ACVR2A: variants seen among roughly 807,000 people sequenced by gnomAD.
ACVR2A encodes activin receptor type-2A.
Under a neutral mutation model 61.4 loss-of-function variants are expected in ACVR2A, and 7 were observed. The observed-to-expected ratio is 0.11, with a 90% CI of 0.06 to 0.21. ACVR2A has a LOEUF of 0.21. Ranked by LOEUF, ACVR2A falls within the 10% of genes least tolerant of loss-of-function variation. The pLI is 1.00. For synonymous variants in ACVR2A, 193 were observed against 208.3 expected, an observed-to-expected ratio of 0.93 and a Z score of 0.63; for missense variants, 322 against 621.7, an observed-to-expected ratio of 0.52 and a Z score of 5.13.
intron 9 of ACVR2A, among the ~76,000 whole-genome samples, chr2:147,924,821 T>A (rs1687464988): frequency 6.6e-6 from 1 of 151,742 alleles, no homozygotes; most frequent in Admixed American, 6.6e-5. Flanking sequence ...AGCCTGAGAG[T>A]CTACATTTCT....
At position 147,913,268 on chromosome 2, in the gene ACVR2A, TTAAC is replaced by T. The variant is rs146872294; in HGVS notation, c.529-1920_529-1917del. ...GAACAGAGAATGGGTAATGTGTAGA[TTAAC>T]TATAGAGACATTACCAGTGTACATA... On this transcript the variant is annotated intron_variant, in intron 4 of 10. Coordinates refer to ENST00000241416, the MANE Select transcript of ACVR2A (RefSeq NM_001616.5). Among the ~76,000 whole-genome samples the T allele has an allele frequency of 6.7e-3, 1,025 of 152,034 alleles. 9 individuals carry two copies. The highest frequency in any genetic ancestry group is 0.023 in the African/African-American group (961 of 41,534).
chr2:147,845,275 G>A (rs1477947053), intron 1 of ACVR2A, 68 bp downstream of exon 1: 1 of 1,509,862 alleles, frequency 6.6e-7, no homozygotes, highest in East Asian at 2.3e-5. Context: ...TGGGGGCCGC[G>A]GCTGGTGTTG....
chr2:147,849,162 A>C (rs1331679988), intron 1 of ACVR2A, among the ~76,000 whole-genome samples: 1 of 152,190 alleles, frequency 6.6e-6, no homozygotes, highest in African/African-American at 2.4e-5. Context: ...TAGAGTGCTC[A>C]TGAAGACTGC....
Position 147,923,181 on chromosome 2 carries a change from C to G in ACVR2A, c.1216+70C>G, listed in dbSNP as rs1438343817. The G allele has an allele frequency of 2.0e-5, 30 of 1,466,004 alleles. No individual in the cohort carries two copies. The East Asian group carries it at 6.4e-4, about 31-fold the overall frequency. 90.8% of individuals were successfully genotyped at this position (1,466,004 alleles called of 1,614,324 possible). ...CACATATATGAAAAGGGATGATACA[C>G]TCCAAGGTAATATTTTAAAGTACAG... On this transcript the variant is annotated intron_variant, in intron 9 of 10. Coordinates refer to ENST00000241416, the MANE Select transcript of ACVR2A (RefSeq NM_001616.5).
At chr2:147,867,529 C>T (rs1271158528) in intron 1 of ACVR2A, among the ~76,000 whole-genome samples, 2 of 152,022 alleles carry the variant, frequency 1.3e-5, no homozygotes, top group Non-Finnish European at 2.9e-5. Flanking sequence ...GTGTTAGTTC[C>T]ATCCTTACCA....
intron 1 of ACVR2A, among the ~76,000 whole-genome samples, chr2:147,860,807 T>C (rs566483024): frequency 1.3e-5 from 2 of 152,320 alleles, no homozygotes; most frequent in South Asian, 4.1e-4. Context: ...TACTGTTTCA[T>C]AGGGAATGAG....
chr2:147,918,299 A>G (rs1313118780), intron 6 of ACVR2A, 148 bp from the exon 7 acceptor site: 1 of 582,114 alleles, frequency 1.7e-6, no homozygotes, highest in African/African-American at 1.9e-5. Context: ...AATTTGAACC[A>G]TTTGAACCAT....
At chr2:147,922,792 C>CAT (rs1687415092) in intron 8 of ACVR2A, among the ~76,000 whole-genome samples, 181 bp from the exon 9 acceptor site, 1 of 152,094 alleles carries the variant, frequency 6.6e-6, no homozygotes. Context: ...TCTGTACCAG[C>CAT]ATAATGTCTG....
rs191466226 is a variant in ACVR2A, at chr2:147,863,578, T to G, written c.55+18371T>G. On this transcript the variant is annotated intron_variant, in intron 1 of 10. Coordinates refer to ENST00000241416, the MANE Select transcript of ACVR2A (RefSeq NM_001616.5). The stretch of plus-strand genomic sequence containing the variant: ...ATACTATTTTGTATGTTTTATTGTA[T>G]TCTTACAATAAGGAAGCTAAAGGAA... Among the ~76,000 whole-genome samples, 294 of 152,310 alleles carry G rather than the reference T, an allele frequency of 1.9e-3. 1 individual carries two copies. Among genetic ancestry groups the G allele is most frequent in the African/African-American group, 6.9e-3 (287 of 41,568 alleles).
intron 8 of ACVR2A, among the ~76,000 whole-genome samples, chr2:147,922,722 T>A (rs1157268402): frequency 6.6e-6 from 1 of 152,110 alleles, no homozygotes; most frequent in Non-Finnish European, 1.5e-5. Context: ...TTCTCCCAGC[T>A]GACAATTGGT....
At chr2:147,891,885 A>G (rs926069963) in intron 1 of ACVR2A, among the ~76,000 whole-genome samples, 10 of 152,316 alleles carry the variant, frequency 6.6e-5, no homozygotes, top group African/African-American at 1.9e-4. Context: ...CATATTTTCA[A>G]CATGTTTCTG....
chr2:147,847,496 A>G (rs557542065), intron 1 of ACVR2A, among the ~76,000 whole-genome samples: 155 of 152,290 alleles, frequency 1.0e-3, no homozygotes, highest in African/African-American at 3.6e-3. Context: ...TCATTTCTAG[A>G]TATTTGATTT....
intron 4 of ACVR2A, among the ~76,000 whole-genome samples, chr2:147,910,243 CT>C (rs1687082319): frequency 6.6e-6 from 1 of 152,006 alleles, no homozygotes; most frequent in Non-Finnish European, 1.5e-5. Context: ...CAGAGACATA[CT>C]TTTTGGTAAG....
At chr2:147,916,848 T>C (rs993992080) in intron 5 of ACVR2A, among the ~76,000 whole-genome samples, 1 of 151,906 alleles carries the variant, frequency 6.6e-6, no homozygotes, top group Non-Finnish European at 1.5e-5. Context: ...ATGTTTGATA[T>C]TATGTTAGTT....
At chr2:147,881,535 C>G (rs1686297744) in intron 1 of ACVR2A, among the ~76,000 whole-genome samples, 1 of 146,724 alleles carries the variant, frequency 6.8e-6, no homozygotes, top group Admixed American at 6.9e-5. Flanking sequence ...TAATGGATGT[C>G]TAGTTATTTA....
intron 1 of ACVR2A, among the ~76,000 whole-genome samples, chr2:147,861,215 G>C (rs1685721260): frequency 6.6e-6 from 1 of 152,150 alleles, no homozygotes; most frequent in African/African-American, 2.4e-5. Context: ...ATACGAACAA[G>C]TTATAATGTA....
At chr2:147,858,601 T>C (rs1002097211) in intron 1 of ACVR2A, among the ~76,000 whole-genome samples, 2 of 152,222 alleles carry the variant, frequency 1.3e-5, no homozygotes, top group African/African-American at 4.8e-5. Flanking sequence ...ATCAGACTTA[T>C]AATGTAGTTT....
chr2:147,915,458 C>A, intron 5 of ACVR2A, 124 bp downstream of exon 5: 1 of 1,054,476 alleles, frequency 9.5e-7, no homozygotes, highest in Non-Finnish European at 1.4e-6. Context: ...CTGGGGAAAG[C>A]AGTTAGCTCT....
intron 1 of ACVR2A, among the ~76,000 whole-genome samples, chr2:147,887,301 T>C (rs1214444785): frequency 6.6e-6 from 1 of 152,190 alleles, no homozygotes; most frequent in African/African-American, 2.4e-5. Flanking sequence ...AAAAGAACTC[T>C]TTAATTTTAT....
Sources: allele counts gnomAD v4.1 joint callset (sites outside exome capture counted in the v4.1 genomes callset), GRCh38; gene constraint gnomAD v4.1.1; transcripts MANE v1.5; gene names NCBI Gene and HGNC (gene_info 2026-07-23, HGNC 2026-07-21).